FCHSD1: variants seen among roughly 807,000 people sequenced by gnomAD.
FCHSD1 encodes FCH and double SH3 domains 1.
In FCHSD1, 109 loss-of-function variants were observed where a neutral mutation model predicts 101.3. The ratio of observed to expected loss-of-function variants is 1.08; its 90% CI spans 0.92 to 1.26. The LOEUF is 1.26. FCHSD1 is among the 50% of genes most tolerant of loss of function. The probability of loss-of-function intolerance (pLI) is 0.00; values close to 1 mark genes in which losing one functional copy is unlikely to be tolerated. For missense variants in FCHSD1, 820 were observed against 895.8 expected (o/e 0.92, Z 1.08); for synonymous variants, 291 against 356.8 (o/e 0.82, Z 2.08).
intron 19 of FCHSD1, 34 bp downstream of exon 19, chr5:141,641,668 T>C (rs772675939): frequency 1.2e-6 from 2 of 1,613,528 alleles, no homozygotes; most frequent in Non-Finnish European, 1.7e-6. Context: ...ATAACCCCTC[T>C]ACATACAATC....
chr5:141,650,010 G>A, intron 3 of FCHSD1, 56 bp from the exon 4 acceptor site: 1 of 1,480,776 alleles, frequency 6.8e-7, no homozygotes, highest in Non-Finnish European at 9.1e-7. Flanking sequence ...ACCCCAACTG[G>A]CAGAATATGA....
rs918691621 is a variant in FCHSD1, at chr5:141,641,084, C to T, written c.*414G>A. ...CCATTACAGCTGCTTCGCATCCTGGCTCCAGCTCCTGATTCCCAAGGCCTG... is the reference window on the plus strand; with the variant it reads ...CCATTACAGCTGCTTCGCATCCTGGTTCCAGCTCCTGATTCCCAAGGCCTG... On this transcript the variant is annotated 3_prime_UTR_variant, in exon 20 of 20. Coordinates refer to ENST00000435817, the MANE Select transcript of FCHSD1 (RefSeq NM_033449.3). 9 of 302,122 alleles carry T rather than the reference C, an allele frequency of 3.0e-5. No individual in the cohort carries two copies. Among genetic ancestry groups the T allele is most frequent in the African/African-American group, 1.5e-4 (7 of 46,414 alleles). The allele number at this position is 302,122 out of a possible 1,614,324, so 18.7% of individuals were successfully genotyped here. A position where few individuals can be genotyped will look rare whatever the true frequency, so the allele number is the denominator to read the frequency against.
chr5:141,651,243 G>T, intron 1 of FCHSD1, 105 bp downstream of exon 1: 1 of 1,530,110 alleles, frequency 6.5e-7, no homozygotes, highest in Non-Finnish European at 8.9e-7. Flanking sequence ...CTGGTTTGGG[G>T]TCTGACCCCT....
rs1266643541 is a variant in FCHSD1, at chr5:141,640,775, C to T, written c.*723G>A. 10 of 1,105,716 alleles carry T rather than the reference C, an allele frequency of 9.0e-6. No individual in the cohort carries two copies. The highest frequency in any genetic ancestry group is 1.3e-5 in the Non-Finnish European group (10 of 783,606). The allele number at this position is 1,105,716 out of a possible 1,614,324, so 68.5% of individuals were successfully genotyped here. ...CAGCACTGCCCCCCAGCTGAGGGAC[C>T]AGCTCTACTTCCACCTGGAGTTGCA... On this transcript the variant is annotated 3_prime_UTR_variant, in exon 20 of 20. Coordinates refer to ENST00000435817, the MANE Select transcript of FCHSD1 (RefSeq NM_033449.3).
At position 141,641,608 on chromosome 5, in the gene FCHSD1, G is replaced by T. The variant is rs368889750; in HGVS notation, c.2008-45C>A. On this transcript the variant is annotated intron_variant, in intron 19 of 19. Coordinates refer to ENST00000435817, the MANE Select transcript of FCHSD1 (RefSeq NM_033449.3). Reference sequence around the variant, plus strand: ...AGTGCTCCAGAGTTCTCCCTTAAGGGTATCCCTGTCTATTCCCTCAGCCCT... The same window carrying T: ...AGTGCTCCAGAGTTCTCCCTTAAGGTTATCCCTGTCTATTCCCTCAGCCCT... 4 of 1,602,220 alleles carry T rather than the reference G, an allele frequency of 2.5e-6. No homozygotes were observed. The African/African-American group carries it at 5.4e-5, about 21-fold the overall frequency.
chr5:141,647,404 G>T lies in FCHSD1; in HGVS notation c.822C>A (p.Thr274=). 1 of 1,596,376 alleles carries T rather than the reference G, an allele frequency of 6.3e-7. No homozygotes were observed. The highest frequency in any genetic ancestry group is 2.2e-5 in the East Asian group (1 of 44,562). ...LEHAHRGEQT[T]SQVSWEQDLK... is the part of the protein sequence containing the mutation. ...TAGAGGCCACAGCCCTCACCTGGGA[G>T]GTTGTCTGCTCCCCGCGGTGGGCAT... The change falls in exon 9 of 20, where the codon ACC becomes ACA. Residue 274 remains threonine, a synonymous_variant. Coordinates refer to ENST00000435817, the MANE Select transcript of FCHSD1 (RefSeq NM_033449.3).
chr5:141,648,245 ACTC>A lies in FCHSD1; in HGVS notation c.577-152_577-150del, dbSNP rs950265700. ...ACACTAAAAATGTTGCATACACACA[ACTC>A]CTGCTCAAAATCTTCTAGTGCCTTC... On this transcript the variant is annotated intron_variant, in intron 7 of 19. Transcript: ENST00000435817. The A allele has an allele frequency of 1.9e-4, 182 of 957,834 alleles. 1 individual carries two copies. Among genetic ancestry groups the A allele is most frequent in the Non-Finnish European group, 2.5e-4 (170 of 669,268 alleles). The allele number at this position is 957,834 out of a possible 1,614,324, so 59.3% of individuals were successfully genotyped here. A position where few individuals can be genotyped will look rare whatever the true frequency, so the allele number is the denominator to read the frequency against.
Position 141,649,763 on chromosome 5 carries a change from T to G in FCHSD1, c.233+124A>C, listed in dbSNP as rs2099908133. The stretch of plus-strand genomic sequence containing the variant: ...TGGGTCAGCTCCTCTGCTGCTGCTG[T>G]GTCAGCTCTACCTACAGCTCACGTG... On this transcript the variant is annotated intron_variant, in intron 4 of 19. Coordinates refer to ENST00000435817, the MANE Select transcript of FCHSD1 (RefSeq NM_033449.3). This position sits in a 1 kb window ranked among gnomAD's most constrained non-coding sequence, Gnocchi z 4.1. 2 of 1,256,122 alleles carry G rather than the reference T, an allele frequency of 1.6e-6. No individual in the cohort carries two copies. The highest frequency in any genetic ancestry group is 5.4e-5 in the Admixed American group (2 of 37,236). 77.8% of individuals were successfully genotyped at this position (1,256,122 alleles called of 1,614,324 possible).
chr5:141,641,574 C>G lies in FCHSD1; in HGVS notation c.2008-11G>C, dbSNP rs765882575. The G allele has an allele frequency of 1.9e-6, 3 of 1,571,684 alleles. No homozygotes were observed. Among genetic ancestry groups the G allele is most frequent in the Non-Finnish European group, 2.6e-6 (3 of 1,156,720 alleles). On this transcript the variant is annotated splice_polypyrimidine_tract_variant and intron_variant, in intron 19 of 19. Coordinates refer to ENST00000435817, the MANE Select transcript of FCHSD1 (RefSeq NM_033449.3). Reference sequence around the variant, plus strand: ...AGGTGGTGGACGCATCTGTAGGGAACACACAGTTAGTGCTCCAGAGTTCTC... The same window carrying G: ...AGGTGGTGGACGCATCTGTAGGGAAGACACAGTTAGTGCTCCAGAGTTCTC...
At chr5:141,647,832 T>C (rs468968) in intron 8 of FCHSD1, 136 bp downstream of exon 8, 677,674 of 1,270,776 alleles carry the variant, frequency 0.53, 185,338 homozygotes, top group African/African-American at 0.75. Flanking sequence ...AGAACCAGAG[T>C]GCATGTATGT....
rs1333755535 is a variant in FCHSD1 at position 141,643,051 on chromosome 5, G to A, written c.1901C>T (p.Pro634Leu). The change falls in exon 18 of 20, where the codon CCT (proline) becomes CTT (leucine). Residue 634 changes from proline to leucine, a missense_variant. Coordinates refer to ENST00000435817, the MANE Select transcript of FCHSD1 (RefSeq NM_033449.3). ...CCCATCCAACACAGAGGTAGGTGCA[G>A]GTGGGGAGAAGCTGGGAGGAGAAGG... is the stretch of plus-strand genomic sequence containing the variant. The part of the protein sequence containing the change: ...PSPSPPSFSP[P>L]APTSVLDGPP... The A allele has an allele frequency of 1.3e-6, 2 of 1,543,534 alleles. No individual in the cohort carries two copies. The highest frequency in any genetic ancestry group is 4.9e-5 in the East Asian group (2 of 40,528).
chr5:141,644,945 G>A lies in FCHSD1; in HGVS notation c.1441-3C>T, dbSNP rs376415582. The A allele has an allele frequency of 6.2e-7, 1 of 1,613,776 alleles. No homozygotes were observed. The highest frequency in any genetic ancestry group is 8.5e-7 in the Non-Finnish European group (1 of 1,179,862). The stretch of plus-strand genomic sequence containing the variant: ...GTCAGCTCATCCTCACGCCCTGCCT[G>A]GGCCACACACGAAGGATTCAGGACT... On this transcript the variant is annotated splice_polypyrimidine_tract_variant and splice_region_variant and intron_variant, in intron 14 of 19. Coordinates refer to ENST00000435817, the MANE Select transcript of FCHSD1 (RefSeq NM_033449.3).
At position 141,640,764 on chromosome 5, in the gene FCHSD1, A is replaced by C. The variant is rs1004085355; in HGVS notation, c.*734T>G. The C allele has an allele frequency of 6.5e-6, 8 of 1,227,026 alleles. No homozygotes were observed. In the South Asian group the frequency reaches 9.9e-5, roughly 15 times the overall value. The allele number at this position is 1,227,026 out of a possible 1,614,324, so 76.0% of individuals were successfully genotyped here. ...CCTCCACTGGACAGCACTGCCCCCC[A>C]GCTGAGGGACCAGCTCTACTTCCAC... On this transcript the variant is annotated 3_prime_UTR_variant, in exon 20 of 20. Transcript: ENST00000435817.
At position 141,644,913 on chromosome 5, in the gene FCHSD1, C is replaced by T. The variant is rs370137791; in HGVS notation, c.1470G>A (p.Thr490=). The change falls in exon 15 of 20, where the codon ACG becomes ACA. Residue 490 remains threonine, a synonymous_variant. Coordinates refer to ENST00000435817, the MANE Select transcript of FCHSD1 (RefSeq NM_033449.3). The stretch of plus-strand genomic sequence containing the variant: ...CTATGACCTCCAGCCACTCACCCTC[C>T]GTGATTGTCAGCTCATCCTCACGCC... ...QAGREDELTI[T]EGEWLEVIEE... The T allele has an allele frequency of 5.7e-5, 92 of 1,613,802 alleles. No homozygotes were observed. The Admixed American group carries it at 9.5e-4, about 17-fold the overall frequency.
chr5:141,650,616 C>T (rs1056562648), intron 2 of FCHSD1, among the ~76,000 whole-genome samples: 5 of 152,006 alleles, frequency 3.3e-5, no homozygotes, highest in South Asian at 2.1e-4. Flanking sequence ...CTTACTGCCC[C>T]GGGCCCCAGC....
chr5:141,643,181 C>T (rs375545779), intron 17 of FCHSD1, 93 bp from the exon 18 acceptor site: 32 of 1,027,648 alleles, frequency 3.1e-5, no homozygotes, highest in Middle Eastern at 5.3e-4. Flanking sequence ...TTCCTCATCA[C>T]TTCTCAATAC....
chr5:141,642,338 C>T (rs2099907018), intron 18 of FCHSD1: 1 of 655,756 alleles, frequency 1.5e-6, no homozygotes, highest in African/African-American at 1.8e-5. Flanking sequence ...AACAGACTCC[C>T]AGGACTCCAA....
chr5:141,646,571 G>T lies in FCHSD1; in HGVS notation c.1044+32C>A, dbSNP rs770729724. The stretch of plus-strand genomic sequence containing the variant: ...CAGCTCTTCTTGCTGAGACAAGAAG[G>T]TGCACATGACACCTGTGCCCCCCCA... On this transcript the variant is annotated intron_variant, in intron 11 of 19. Coordinates refer to ENST00000435817, the MANE Select transcript of FCHSD1 (RefSeq NM_033449.3). 8 of 1,596,080 alleles carry T rather than the reference G, an allele frequency of 5.0e-6. No homozygotes were observed. In the East Asian group the frequency reaches 6.8e-5, roughly 14 times the overall value.
rs2099907840 is a variant in FCHSD1, at chr5:141,647,775, G to A, written c.705+193C>T. Reference sequence around the variant, plus strand: ...ATCCCTGATGAGGAATCTGGGGTTCGGAAGAGTTTAAGTGTACTGTACAAT... The same window carrying A: ...ATCCCTGATGAGGAATCTGGGGTTCAGAAGAGTTTAAGTGTACTGTACAAT... On this transcript the variant is annotated intron_variant, in intron 8 of 19. Transcript: ENST00000435817. 10 of 984,662 alleles carry A rather than the reference G, an allele frequency of 1.0e-5. 1 individual carries two copies. The highest frequency in any genetic ancestry group is 3.5e-5 in the South Asian group (2 of 57,754). The allele number at this position is 984,662 out of a possible 1,614,324, so 61.0% of individuals were successfully genotyped here.
Sources: gnomAD v4.1 joint callset for allele counts (sites outside exome capture counted in the v4.1 genomes callset) on GRCh38, gnomAD v4.1.1 for gene constraint, Gnocchi (gnomAD v3.1) non-coding constraint, MANE v1.5 for transcripts, NCBI Gene and HGNC (gene_info 2026-07-23, HGNC 2026-07-21) for gene names.